PDK1: variants seen among roughly 807,000 people sequenced by gnomAD.
The protein encoded by PDK1 is [Pyruvate dehydrogenase (acetyl-transferring)] kinase isozyme 1, mitochondrial.
In PDK1, 39 loss-of-function variants were observed where a neutral mutation model predicts 54.2. That is an observed-to-expected ratio of 0.72 (90% confidence interval 0.56 to 0.94). The LOEUF is 0.94. Among genes scored for constraint, PDK1 ranks in the 40% least tolerant of loss-of-function variants. PDK1 has a pLI of 0.00. For missense variants in PDK1, 552 were observed against 566.0 expected (o/e 0.98, Z 0.25); for synonymous variants, 221 against 207.1 (o/e 1.07, Z -0.58).
the PDK1 span, among the ~76,000 whole-genome samples, chr2:172,637,607 T>A: frequency 6.6e-6 from 1 of 152,252 alleles, no homozygotes; most frequent in African/African-American, 2.4e-5. Context: ...ATAATTTAGT[T>A]GATTTGATTA....
chr2:172,666,619 G>C, the PDK1 span, among the ~76,000 whole-genome samples: 4 of 152,166 alleles, frequency 2.6e-5, no homozygotes, highest in Non-Finnish European at 5.9e-5. Flanking sequence ...AGGGTGACTA[G>C]TTTGGTGGGA....
At chr2:172,560,209 G>C (rs1405454388) in intron 2 of PDK1, among the ~76,000 whole-genome samples, 1 of 152,184 alleles carries the variant, frequency 6.6e-6, no homozygotes, top group Non-Finnish European at 1.5e-5. Flanking sequence ...ACCCAGGCTA[G>C]AGTGCAGTAG....
At chr2:172,671,714 A>G in the PDK1 span, among the ~76,000 whole-genome samples, 2 of 152,134 alleles carry the variant, frequency 1.3e-5, no homozygotes, top group Non-Finnish European at 1.5e-5. Context: ...GGGTAATTAC[A>G]TCTCTTTTTA....
chr2:172,590,441 G>A (rs182360459), intron 9 of PDK1, among the ~76,000 whole-genome samples: 1 of 152,248 alleles, frequency 6.6e-6, no homozygotes, highest in East Asian at 1.9e-4. Context: ...TCTTCGGTGG[G>A]TTTGTGGTCT....
intron 8 of PDK1, among the ~76,000 whole-genome samples, chr2:172,573,196 G>T (rs577516501): frequency 6.6e-6 from 1 of 152,276 alleles, no homozygotes; most frequent in Admixed American, 6.5e-5. Flanking sequence ...GCACCATTTT[G>T]CATTGTCATC....
chr2:172,652,894 C>T, the PDK1 span, among the ~76,000 whole-genome samples: 33 of 152,256 alleles, frequency 2.2e-4, no homozygotes, highest in African/African-American at 7.2e-4. Flanking sequence ...GGCCATACTG[C>T]CCAAGGTAAT....
chr2:172,653,582 G>A, the PDK1 span, among the ~76,000 whole-genome samples: 14 of 148,822 alleles, frequency 9.4e-5, no homozygotes, highest in East Asian at 8.2e-4. Context: ...CTGCCTAGGC[G>A]ACAAGAGCGA....
upstream of PDK1, chr2:172,555,935 G>A (rs1688286602): frequency 2.6e-6 from 1 of 381,556 alleles, no homozygotes; most frequent in Non-Finnish European, 4.6e-6. Flanking sequence ...GAGGGGGCGG[G>A]CCCCGCAAGC....
At chr2:172,618,496 G>C in the PDK1 span, among the ~76,000 whole-genome samples, 1 of 152,150 alleles carries the variant, frequency 6.6e-6, no homozygotes, top group Non-Finnish European at 1.5e-5. Context: ...AAGAGTAGAA[G>C]TAAAATTGCT....
chr2:172,674,134 A>C, the PDK1 span: 3 of 152,346 alleles, frequency 2.0e-5, no homozygotes, highest in Non-Finnish European at 4.4e-5. Flanking sequence ...AAGTGCGCAC[A>C]CGTGCTTGGC....
At chr2:172,588,448 A>C (rs115745291) in intron 9 of PDK1, among the ~76,000 whole-genome samples, 103 of 152,324 alleles carry the variant, frequency 6.8e-4, no homozygotes, top group Non-Finnish European at 1.2e-3. Context: ...TGTGAGAATT[A>C]AGTGAGTTGA....
At chr2:172,722,897 C>T in the PDK1 span, among the ~76,000 whole-genome samples, 1 of 151,988 alleles carries the variant, frequency 6.6e-6, no homozygotes, top group African/African-American at 2.4e-5. Flanking sequence ...GAAATTTAGA[C>T]ATCCCTCTGC....
chr2:172,708,093 G>A, the PDK1 span, among the ~76,000 whole-genome samples: 1 of 152,056 alleles, frequency 6.6e-6, no homozygotes, highest in Non-Finnish European at 1.5e-5. Flanking sequence ...CTTGAGTCCA[G>A]GAGTTCAAGA....
At chr2:172,558,573 C>G in intron 1 of PDK1, 135 bp from the exon 2 acceptor site, 1 of 727,506 alleles carries the variant, frequency 1.4e-6, no homozygotes, top group Admixed American at 2.8e-5. Flanking sequence ...TCTTTGCCTC[C>G]TATTCCCTGC....
the PDK1 span, among the ~76,000 whole-genome samples, chr2:172,654,648 A>G: frequency 6.6e-6 from 1 of 152,146 alleles, no homozygotes; most frequent in African/African-American, 2.4e-5. Context: ...ATTAGGAGGT[A>G]TACCTAATGT....
intron 6 of PDK1, among the ~76,000 whole-genome samples, chr2:172,568,402 T>C (rs1411349430): frequency 2.0e-5 from 3 of 151,376 alleles, no homozygotes; most frequent in Non-Finnish European, 4.4e-5. Flanking sequence ...AATTTAAAGA[T>C]TTTAACACTT....
chr2:172,676,688 G>A, the PDK1 span, among the ~76,000 whole-genome samples: 2 of 152,210 alleles, frequency 1.3e-5, no homozygotes, highest in African/African-American at 4.8e-5. Context: ...GATAAAAAAG[G>A]ATTTAGAATA....
At chr2:172,692,056 C>G in the PDK1 span, among the ~76,000 whole-genome samples, 2 of 152,202 alleles carry the variant, frequency 1.3e-5, no homozygotes, top group East Asian at 3.9e-4. Flanking sequence ...GAAAAGGCAT[C>G]AGTGACACTT....
chr2:172,609,931 C>G (rs1003144649), downstream of PDK1, among the ~76,000 whole-genome samples: 1 of 152,112 alleles, frequency 6.6e-6, no homozygotes. Context: ...AAATGATTCT[C>G]GTGCCTCAGC....
Sources: allele counts gnomAD v4.1 joint callset (sites outside exome capture counted in the v4.1 genomes callset), GRCh38; gene constraint gnomAD v4.1.1; transcripts MANE v1.5; gene names NCBI Gene and HGNC (gene_info 2026-07-23, HGNC 2026-07-21).